The following ACOXL variants were observed in gnomAD, a reference collection of about 807,000 sequenced individuals.
ACOXL encodes acyl-CoA oxidase like.
A neutral mutation model predicts 71.9 loss-of-function variants in ACOXL; 70 were observed. The ratio of observed to expected loss-of-function variants is 0.97; its 90% CI spans 0.80 to 1.19. ACOXL has a LOEUF of 1.19. ACOXL is among the 50% of genes most tolerant of loss of function. ACOXL has a pLI of 0.00. For synonymous variants in ACOXL, 253 were observed against 281.6 expected (o/e 0.90, Z 1.02); for missense variants, 703 against 736.3 (o/e 0.95, Z 0.52).
At chr2:111,103,504 A>G (rs1301501247) in intron 17 of ACOXL, among the ~76,000 whole-genome samples, 1 of 152,226 alleles carries the variant, frequency 6.6e-6, no homozygotes, top group African/African-American at 2.4e-5. Flanking sequence ...CATTGATTCC[A>G]TTAACCTAAT....
intron 2 of ACOXL, among the ~76,000 whole-genome samples, chr2:110,772,804 A>G (rs1682131623): frequency 6.6e-6 from 1 of 152,178 alleles, no homozygotes; most frequent in Non-Finnish European, 1.5e-5. Context: ...ATGTCCAACT[A>G]CCTGCATGTG....
chr2:110,845,688 T>A (rs1691747269), intron 10 of ACOXL, among the ~76,000 whole-genome samples: 1 of 152,230 alleles, frequency 6.6e-6, no homozygotes, highest in South Asian at 2.1e-4. Flanking sequence ...AATACAGCAT[T>A]TGCCTTTTCG....
intron 16 of ACOXL, among the ~76,000 whole-genome samples, chr2:111,072,416 A>C (rs2067385238): frequency 6.6e-6 from 1 of 152,228 alleles, no homozygotes; most frequent in African/African-American, 2.4e-5. Flanking sequence ...TGCATTCATC[A>C]ACAGTGAATC....
At chr2:111,065,917 A>G (rs1349226067) in intron 16 of ACOXL, among the ~76,000 whole-genome samples, 2 of 152,228 alleles carry the variant, frequency 1.3e-5, no homozygotes, top group African/African-American at 2.4e-5. Flanking sequence ...TCATTCATAC[A>G]TTGCTGGTGG....
intron 12 of ACOXL, among the ~76,000 whole-genome samples, chr2:110,950,994 A>G (rs1213484965): frequency 6.6e-6 from 1 of 151,970 alleles, no homozygotes. Context: ...GTGACTGTCC[A>G]TTTGGAATTT....
At chr2:111,044,111 G>A (rs2065908005) in intron 15 of ACOXL, among the ~76,000 whole-genome samples, 1 of 152,228 alleles carries the variant, frequency 6.6e-6, no homozygotes, top group South Asian at 2.1e-4. Context: ...AATTTAGAAT[G>A]CCCAGGCTCC....
intron 3 of ACOXL, among the ~76,000 whole-genome samples, chr2:110,787,918 A>G (rs1684186486): frequency 6.6e-6 from 1 of 152,150 alleles, no homozygotes. Context: ...CATAACGTGT[A>G]CCCATTTTGA....
chr2:110,856,894 A>G (rs1300467450), intron 10 of ACOXL, among the ~76,000 whole-genome samples: 1 of 152,194 alleles, frequency 6.6e-6, no homozygotes, highest in Non-Finnish European at 1.5e-5. Flanking sequence ...TTCCAAGGAC[A>G]TTGATTTTTC....
intron 2 of ACOXL, among the ~76,000 whole-genome samples, chr2:110,779,760 G>A (rs1683103945): frequency 1.3e-5 from 2 of 152,152 alleles, no homozygotes; most frequent in African/African-American, 4.8e-5. Flanking sequence ...AAGCATATGG[G>A]AAGAAAGTTA....
chr2:110,970,817 C>A (rs1329692089), intron 12 of ACOXL, among the ~76,000 whole-genome samples: 3 of 152,004 alleles, frequency 2.0e-5, no homozygotes, highest in African/African-American at 7.2e-5. Flanking sequence ...ATAAAGAAAT[C>A]TAACTCAAAA....
chr2:110,916,474 G>A (rs1008343478), intron 11 of ACOXL, among the ~76,000 whole-genome samples: 5 of 151,950 alleles, frequency 3.3e-5, no homozygotes, highest in Non-Finnish European at 7.4e-5. Context: ...ATCTAAAATC[G>A]ACACACTAAC....
chr2:110,930,818 G>A (rs1261019654), intron 11 of ACOXL, among the ~76,000 whole-genome samples: 1 of 152,168 alleles, frequency 6.6e-6, no homozygotes, highest in Non-Finnish European at 1.5e-5. Context: ...CTGCCATCAT[G>A]CAAAATGTGC....
intron 10 of ACOXL, among the ~76,000 whole-genome samples, chr2:110,904,236 A>G (rs866118444): frequency 3.3e-5 from 5 of 152,236 alleles, no homozygotes; most frequent in Middle Eastern, 6.8e-3. Context: ...GGAATGGGCT[A>G]TTGGGCATAG....
chr2:110,783,915 G>A (rs2105160161), intron 2 of ACOXL, among the ~76,000 whole-genome samples: 1 of 152,284 alleles, frequency 6.6e-6, no homozygotes, highest in African/African-American at 2.4e-5. Flanking sequence ...CAGTGTTTTT[G>A]CCATGCCTCA....
chr2:110,771,201 G>A (rs1010649753), intron 2 of ACOXL, among the ~76,000 whole-genome samples: 5 of 152,162 alleles, frequency 3.3e-5, no homozygotes, highest in African/African-American at 1.2e-4. Context: ...GGCTCATCTC[G>A]CTGGGCGGAT....
intron 14 of ACOXL, among the ~76,000 whole-genome samples, chr2:111,001,387 A>AAAAACAAAACAAAACAAAACAAAAC (rs138811808): frequency 2.0e-5 from 3 of 150,932 alleles, no homozygotes; most frequent in South Asian, 2.1e-4. Flanking sequence ...ACAAGTGGAG[A>AAAAACAAAACAAAACAAAACAAAAC]AAAACAAAAC....
At chr2:110,860,609 A>G (rs1404749356) in intron 10 of ACOXL, among the ~76,000 whole-genome samples, 1 of 152,214 alleles carries the variant, frequency 6.6e-6, no homozygotes, top group Non-Finnish European at 1.5e-5. Context: ...GGAAAAGATC[A>G]GTGTGTGTAC....
intron 14 of ACOXL, among the ~76,000 whole-genome samples, chr2:111,019,434 C>G (rs1053497739): frequency 3.3e-5 from 5 of 152,106 alleles, no homozygotes; most frequent in African/African-American, 1.2e-4. Flanking sequence ...CCGAAAGGCT[C>G]GGTAATGAAA....
intron 17 of ACOXL, among the ~76,000 whole-genome samples, chr2:111,106,372 G>A (rs953294611): frequency 1.3e-5 from 2 of 151,686 alleles, no homozygotes; most frequent in Middle Eastern, 3.2e-3. Context: ...GGGCTCCTTT[G>A]TATCTACTTT....
Sources: allele counts gnomAD v4.1 joint callset (sites outside exome capture counted in the v4.1 genomes callset), GRCh38; gene constraint gnomAD v4.1.1; transcripts MANE v1.5; gene names NCBI Gene and HGNC (gene_info 2026-07-23, HGNC 2026-07-21).